SPHKAP: variants seen among roughly 807,000 people sequenced by gnomAD.
SPHKAP encodes SPHK1 interactor, AKAP domain containing, also known as A-kinase anchor protein SPHKAP.
Under a neutral mutation model 137.5 loss-of-function variants are expected in SPHKAP, and 67 were observed. The observed-to-expected ratio is 0.49, with a 90% CI of 0.40 to 0.60. SPHKAP has a LOEUF of 0.60. Among genes scored for constraint, SPHKAP ranks in the 20% least tolerant of loss-of-function variants. The pLI is 0.00. For synonymous variants in SPHKAP, 813 were observed against 785.3 expected, an observed-to-expected ratio of 1.04 and a Z score of -0.59; for missense variants, 2,097 against 2,069.3, an observed-to-expected ratio of 1.01 and a Z score of -0.26.
At position 227,995,541 on chromosome 2, in the gene SPHKAP, A is replaced by G. The variant is rs1351545204; in HGVS notation, c.4602T>C (p.Ser1534=). ...ATCGCTCACTGAGCTGGAGAAAGCT[A>G]CTTGTGTCATCTGGGTTGTCTTCCT... ...ANEEDNPDDT[S]SFLQLSERSM... is the part of the protein sequence containing the mutation. The change falls in exon 8 of 12, where the codon AGT becomes AGC. Residue 1534 remains serine, a synonymous_variant. Transcript: ENST00000392056. The G allele has an allele frequency of 3.7e-6, 6 of 1,614,080 alleles. No individual in the cohort carries two copies. The East Asian group carries it at 1.3e-4, about 36-fold the overall frequency.
At chr2:228,022,177 A>G (rs1009230622) in intron 5 of SPHKAP, 1 of 985,474 alleles carries the variant, frequency 1.0e-6, no homozygotes, top group African/African-American at 1.7e-5. Context: ...AGCCTGACTT[A>G]GGGAAAAATA....
intron 3 of SPHKAP, among the ~76,000 whole-genome samples, chr2:228,073,747 C>G (rs1697080862): frequency 6.6e-6 from 1 of 152,230 alleles, no homozygotes; most frequent in African/African-American, 2.4e-5. Context: ...TCCACTTTAT[C>G]TGCTAACGAA....
At chr2:228,007,716 T>C (rs1559343212) in intron 7 of SPHKAP, among the ~76,000 whole-genome samples, 1 of 152,158 alleles carries the variant, frequency 6.6e-6, no homozygotes, top group African/African-American at 2.4e-5. Context: ...AACAGACACA[T>C]TGACCAGTGT....
intron 1 of SPHKAP, among the ~76,000 whole-genome samples, chr2:228,142,147 A>C (rs1362545157): frequency 6.6e-6 from 1 of 152,188 alleles, no homozygotes; most frequent in Non-Finnish European, 1.5e-5. Context: ...ATGAAATAGT[A>C]TAATGAAGTG....
At chr2:228,052,786 T>A (rs993458526) in intron 3 of SPHKAP, among the ~76,000 whole-genome samples, 1 of 152,150 alleles carries the variant, frequency 6.6e-6, no homozygotes. Flanking sequence ...ATTCCTTTTA[T>A]GTTAGAGAGT....
At chr2:228,092,246 T>C (rs1697783558) in intron 3 of SPHKAP, among the ~76,000 whole-genome samples, 1 of 145,618 alleles carries the variant, frequency 6.9e-6, no homozygotes, top group Non-Finnish European at 1.5e-5. Context: ...TATACACACG[T>C]GTATATGTGT....
At chr2:228,102,732 C>G (rs1399558277) in intron 3 of SPHKAP, among the ~76,000 whole-genome samples, 1 of 151,576 alleles carries the variant, frequency 6.6e-6, no homozygotes, top group Non-Finnish European at 1.5e-5. Context: ...AAAAAAGTTC[C>G]TCAATTTTTT....
chr2:228,089,460 G>A (rs1697649134), intron 3 of SPHKAP, among the ~76,000 whole-genome samples: 1 of 152,202 alleles, frequency 6.6e-6, no homozygotes, highest in Non-Finnish European at 1.5e-5. Flanking sequence ...GAAAAGTTTG[G>A]AAAATTTGCA....
chr2:228,076,715 C>A (rs1697194876), intron 3 of SPHKAP, among the ~76,000 whole-genome samples: 1 of 152,082 alleles, frequency 6.6e-6, no homozygotes, highest in Non-Finnish European at 1.5e-5. Flanking sequence ...AGAAACAGAG[C>A]ATAAAAGTTT....
In SPHKAP at chr2:227,983,923, T is replaced by TG. The variant is rs202073655; in HGVS notation, c.4960-2064dup. Among the ~76,000 whole-genome samples, 7 of 152,126 alleles carry TG rather than the reference T, an allele frequency of 4.6e-5. 1 individual carries two copies. Among genetic ancestry groups the TG allele is most frequent in the African/African-American group, 1.2e-4 (5 of 41,536 alleles). On this transcript the variant is annotated intron_variant, in intron 11 of 11. Coordinates refer to ENST00000392056, the MANE Select transcript of SPHKAP (RefSeq NM_001142644.2). ...GGTGACTGAGTGGGAATATACGTTGTGGGGGTGAGATGTGGGGCTGCTTCA... is the reference window on the plus strand; with the variant it reads ...GGTGACTGAGTGGGAATATACGTTGTGGGGGGTGAGATGTGGGGCTGCTTCA...
chr2:228,109,930 C>A (rs1698464374), intron 2 of SPHKAP, among the ~76,000 whole-genome samples: 1 of 111,530 alleles, frequency 9.0e-6, no homozygotes, highest in African/African-American at 3.5e-5. Context: ...TGCACTCCAG[C>A]TTGGGCAACA....
At chr2:228,038,000 G>A (rs1695692161) in intron 3 of SPHKAP, among the ~76,000 whole-genome samples, 1 of 152,232 alleles carries the variant, frequency 6.6e-6, no homozygotes, top group South Asian at 2.1e-4. Flanking sequence ...ACCAGCCTCT[G>A]TCTAGTAGAG....
intron 2 of SPHKAP, among the ~76,000 whole-genome samples, chr2:228,113,888 A>C (rs920207501): frequency 2.0e-5 from 3 of 152,116 alleles, no homozygotes; most frequent in South Asian, 2.1e-4. Flanking sequence ...AAAGAGAATA[A>C]AAATGCAGAC....
chr2:228,094,799 A>T (rs1295828432), intron 3 of SPHKAP, among the ~76,000 whole-genome samples: 3 of 152,184 alleles, frequency 2.0e-5, no homozygotes, highest in Non-Finnish European at 2.9e-5. Flanking sequence ...AGTTACTCAT[A>T]CCACGGTAAC....
chr2:228,031,438 G>T (rs1476181239), intron 3 of SPHKAP, among the ~76,000 whole-genome samples: 1 of 152,206 alleles, frequency 6.6e-6, no homozygotes. Context: ...CCACCTCTGG[G>T]GGCAGGGCAC....
intron 1 of SPHKAP, among the ~76,000 whole-genome samples, chr2:228,135,043 G>GCACT (rs1699390695): frequency 6.6e-6 from 1 of 152,166 alleles, no homozygotes; most frequent in Non-Finnish European, 1.5e-5. Flanking sequence ...GGGAGGCTGA[G>GCACT]GTGGGTGGAT....
At chr2:228,078,688 T>A (rs973854235) in intron 3 of SPHKAP, among the ~76,000 whole-genome samples, 11 of 152,148 alleles carry the variant, frequency 7.2e-5, no homozygotes, top group African/African-American at 2.4e-4. Flanking sequence ...CATCCCCATG[T>A]AGCAGAGAAA....
In SPHKAP at chr2:228,019,279, G is replaced by A. The variant is rs1694742997; in HGVS notation, c.1575C>T (p.Val525=). The A allele has an allele frequency of 6.2e-7, 1 of 1,614,030 alleles. No homozygotes were observed. The highest frequency in any genetic ancestry group is 8.5e-7 in the Non-Finnish European group (1 of 1,180,028). The change falls in exon 7 of 12, where the codon GTC becomes GTT. Residue 525 remains valine (V), a synonymous_variant. Coordinates refer to ENST00000392056, the MANE Select transcript of SPHKAP (RefSeq NM_001142644.2). The part of the protein sequence containing the change: ...ATERLKMEQV[V]SNFPPGSSGA... ...CACTGCTCCCTGGGGGAAAGTTCGAGACCACTTGCTCCATTTTGAGTCTTT... is the reference window on the plus strand; with the variant it reads ...CACTGCTCCCTGGGGGAAAGTTCGAAACCACTTGCTCCATTTTGAGTCTTT...
At chr2:228,130,655 C>T (rs1168793273) in intron 2 of SPHKAP, among the ~76,000 whole-genome samples, 1 of 152,104 alleles carries the variant, frequency 6.6e-6, no homozygotes, top group Non-Finnish European at 1.5e-5. Flanking sequence ...AAATGTACAG[C>T]ATATGATGAA....
Sources: allele counts gnomAD v4.1 joint callset (sites outside exome capture counted in the v4.1 genomes callset), GRCh38; gene constraint gnomAD v4.1.1; transcripts MANE v1.5; gene names NCBI Gene and HGNC (gene_info 2026-07-23, HGNC 2026-07-21).